The following USH2A variants were observed in gnomAD, a reference collection of about 807,000 sequenced individuals.
The protein encoded by USH2A is usherin, also known as Usher syndrome 2A (autosomal recessive, mild).
In USH2A, 443 loss-of-function variants were observed where a neutral mutation model predicts 538.9. The observed-to-expected ratio is 0.82, with a 90% CI of 0.76 to 0.89. USH2A has a LOEUF of 0.89. Among genes scored for constraint, USH2A ranks in the 40% least tolerant of loss-of-function variants. The pLI, the probability that USH2A is intolerant of heterozygous loss-of-function variation, is 0.00. For synonymous variants in USH2A, 2,413 were observed against 2,273.5 expected (o/e 1.06, Z -1.75); for missense variants, 6,633 against 6,324.8 (o/e 1.05, Z -1.65).
At chr1:216,022,386 C>T (rs971658729) in intron 32 of USH2A, among the ~76,000 whole-genome samples, 5 of 152,136 alleles carry the variant, frequency 3.3e-5, no homozygotes, top group South Asian at 4.1e-4. Flanking sequence ...TTGTGAACAA[C>T]GTGGGAGATA....
intron 38 of USH2A, among the ~76,000 whole-genome samples, chr1:215,912,453 G>GTGTATATA (rs1314401856): frequency 9.3e-5 from 4 of 42,980 alleles, no homozygotes; most frequent in Non-Finnish European, 1.8e-4. Flanking sequence ...GTAGGTATGT[G>GTGTATATA]TATATATATA....
At chr1:216,052,980 C>T (rs568960094) in intron 30 of USH2A, among the ~76,000 whole-genome samples, 1 of 152,306 alleles carries the variant, frequency 6.6e-6, no homozygotes, top group African/African-American at 2.4e-5. Context: ...TACAGTGTTA[C>T]TCTGAAGATA....
intron 3 of USH2A, among the ~76,000 whole-genome samples, chr1:216,379,153 C>G (rs1272834370): frequency 6.6e-6 from 1 of 152,116 alleles, no homozygotes; most frequent in Admixed American, 6.5e-5. Flanking sequence ...CAGACTGTCA[C>G]TCCAAATGCT....
intron 22 of USH2A, among the ~76,000 whole-genome samples, chr1:216,095,678 C>T (rs74143945): frequency 0.043 from 6,616 of 152,242 alleles, 481 homozygotes; most frequent in African/African-American, 0.15. Flanking sequence ...CTTTCTGTCC[C>T]TGGTCCTTCG....
At chr1:215,907,821 CTGGATGAATGGA>C (rs1298428335) in intron 38 of USH2A, among the ~76,000 whole-genome samples, 1 of 151,870 alleles carries the variant, frequency 6.6e-6, no homozygotes, top group Non-Finnish European at 1.5e-5. Flanking sequence ...CCTATAAAAA[CTGGATGAATGGA>C]TGGATGAATC....
chr1:216,013,824 C>T (rs1461801926), intron 32 of USH2A, among the ~76,000 whole-genome samples: 1 of 152,176 alleles, frequency 6.6e-6, no homozygotes, highest in Non-Finnish European at 1.5e-5. Context: ...AGCTTTATTG[C>T]TCACACAAAG....
At chr1:216,263,257 T>A (rs2036410172) in intron 11 of USH2A, among the ~76,000 whole-genome samples, 1 of 152,096 alleles carries the variant, frequency 6.6e-6, no homozygotes, top group African/African-American at 2.4e-5. Flanking sequence ...GGAGAGGAAA[T>A]TCTTCTAAAC....
At chr1:215,853,237 T>A (rs1486194238) in intron 44 of USH2A, among the ~76,000 whole-genome samples, 2 of 152,240 alleles carry the variant, frequency 1.3e-5, no homozygotes, top group Non-Finnish European at 2.9e-5. Context: ...AGCTGCCAGG[T>A]CTTGGGGGTT....
chr1:216,150,317 C>CTCCAATACT (rs1389529809), intron 21 of USH2A, among the ~76,000 whole-genome samples: 1 of 152,154 alleles, frequency 6.6e-6, no homozygotes, highest in East Asian at 1.9e-4. Flanking sequence ...GCAAGGCACC[C>CTCCAATACT]TCCAATACTT....
At chr1:216,338,039 T>C (rs1437642395) in intron 4 of USH2A, among the ~76,000 whole-genome samples, 1 of 151,442 alleles carries the variant, frequency 6.6e-6, no homozygotes, top group Admixed American at 6.6e-5. Context: ...TAGAATGATA[T>C]ACTATGATCA....
At chr1:215,652,135 C>T (rs1257765164) in intron 64 of USH2A, among the ~76,000 whole-genome samples, 1 of 152,222 alleles carries the variant, frequency 6.6e-6, no homozygotes, top group Non-Finnish European at 1.5e-5. Flanking sequence ...TTATTTAGTC[C>T]TTCCAATGGA....
At chr1:215,929,568 A>T (rs994211472) in intron 38 of USH2A, among the ~76,000 whole-genome samples, 9 of 152,006 alleles carry the variant, frequency 5.9e-5, no homozygotes, top group Admixed American at 2.6e-4. Context: ...TACTTTTTCT[A>T]TAGGGCATTT....
intron 60 of USH2A, among the ~76,000 whole-genome samples, chr1:215,738,970 G>A (rs1007384104): frequency 6.6e-6 from 1 of 152,062 alleles, no homozygotes; most frequent in Admixed American, 6.5e-5. Flanking sequence ...ATTATTTTTT[G>A]CAGCTATCTA....
chr1:216,047,068 T>A lies in USH2A; in HGVS notation c.6164-476A>T, dbSNP rs185870516. Among the ~76,000 whole-genome samples the A allele has an allele frequency of 2.1e-3, 320 of 152,286 alleles. 2 individuals are homozygous for A. The highest frequency in any genetic ancestry group is 7.6e-3 in the African/African-American group (314 of 41,574). The stretch of plus-strand genomic sequence containing the variant: ...TACATATGAAAACTTTAGTGCATAT[T>A]TTTTTAAAAAGAGCTGTGTATTTTA... On this transcript the variant is annotated intron_variant, in intron 31 of 71. Coordinates refer to ENST00000307340, the MANE Select transcript of USH2A (RefSeq NM_206933.4).
In USH2A at chr1:216,110,858, T is replaced by A. The variant is rs75292208; in HGVS notation, c.4628-13645A>T. On this transcript the variant is annotated intron_variant, in intron 21 of 71. Coordinates refer to ENST00000307340, the MANE Select transcript of USH2A (RefSeq NM_206933.4). ...TAAATGTTCATAGAAAGGAAGAAAT[T>A]GCAGTCGAAGAGAAAGCACTTTCTT... 1.5e-4 allele frequency among the ~76,000 whole-genome samples: 23 copies of A among 152,258 alleles called. No homozygotes were observed. The East Asian group carries it at 4.1e-3, about 27-fold the overall frequency.
At chr1:216,109,673 A>G (rs915703786) in intron 21 of USH2A, among the ~76,000 whole-genome samples, 2 of 152,144 alleles carry the variant, frequency 1.3e-5, no homozygotes, top group Non-Finnish European at 2.9e-5. Flanking sequence ...ACTCCAGTCA[A>G]TTTGTAGATT....
At chr1:215,753,077 C>A (rs1660673875) in intron 58 of USH2A, among the ~76,000 whole-genome samples, 2 of 152,256 alleles carry the variant, frequency 1.3e-5, no homozygotes, top group South Asian at 4.1e-4. Context: ...CCATCACTGG[C>A]CATCAGAGAA....
chr1:215,900,671 A>G, intron 39 of USH2A, 84 bp downstream of exon 39: 1 of 1,583,082 alleles, frequency 6.3e-7, no homozygotes, highest in Non-Finnish European at 8.6e-7. Context: ...TATTTTTTGC[A>G]AATGAGAACT....
chr1:215,652,149 C>A (rs1309678126), intron 64 of USH2A, among the ~76,000 whole-genome samples: 1 of 152,164 alleles, frequency 6.6e-6, no homozygotes, highest in Non-Finnish European at 1.5e-5. Context: ...CAATGGAAAC[C>A]TTGTAAGGTG....
Sources: gnomAD v4.1 joint callset for allele counts (sites outside exome capture counted in the v4.1 genomes callset) on GRCh38, gnomAD v4.1.1 for gene constraint, MANE v1.5 for transcripts, NCBI Gene and HGNC (gene_info 2026-07-23, HGNC 2026-07-21) for gene names.